The following ASTN2 variants were observed in gnomAD, a reference collection of about 807,000 sequenced individuals.
ASTN2 encodes the protein astrotactin 2, also known as astrotactin-2.
A neutral mutation model predicts 139.8 loss-of-function variants in ASTN2; 54 were observed. The observed-to-expected ratio is 0.39, with a 90% CI of 0.31 to 0.48. The LOEUF (loss-of-function observed/expected upper bound fraction) is 0.48, where lower values mean the gene tolerates loss of function less well. Ranked by LOEUF, ASTN2 falls within the 20% of genes least tolerant of loss-of-function variation. The pLI is 0.95. For missense variants in ASTN2, 1,565 were observed against 1,725.1 expected (o/e 0.91, Z 1.64); for synonymous variants, 756 against 719.5 (o/e 1.05, Z -0.81).
intron 5 of ASTN2, among the ~76,000 whole-genome samples, chr9:117,093,665 G>A (rs1415590578): frequency 6.6e-6 from 1 of 152,148 alleles, no homozygotes; most frequent in African/African-American, 2.4e-5. Flanking sequence ...CTTTCATGAA[G>A]AATTGCGGGA....
chr9:116,805,109 AGTGTGTGT>A (rs10681699), intron 13 of ASTN2, among the ~76,000 whole-genome samples: 2 of 143,128 alleles, frequency 1.4e-5, no homozygotes, highest in South Asian at 4.6e-4. Flanking sequence ...GGATTTGGGG[AGTGTGTGT>A]GTGTGTGTGT....
At chr9:117,341,226 C>G (rs188408532) in intron 1 of ASTN2, among the ~76,000 whole-genome samples, 215 of 152,094 alleles carry the variant, frequency 1.4e-3, no homozygotes, top group Non-Finnish European at 6.0e-4. Flanking sequence ...GAAATGGACC[C>G]CAGAGAAAGT....
At chr9:116,838,111 G>GT (rs1249646800) in intron 11 of ASTN2, among the ~76,000 whole-genome samples, 14 of 142,108 alleles carry the variant, frequency 9.9e-5, no homozygotes, top group Non-Finnish European at 1.7e-4. Context: ...GTTTTTTTTT[G>GT]TTTTGTTTTG....
intron 1 of ASTN2, among the ~76,000 whole-genome samples, chr9:117,364,123 C>A (rs1373185059): frequency 2.6e-5 from 4 of 152,174 alleles, no homozygotes; most frequent in Non-Finnish European, 5.9e-5. Flanking sequence ...TGGCATGACC[C>A]ACATATATTC....
intron 3 of ASTN2, among the ~76,000 whole-genome samples, chr9:117,158,578 G>T (rs1830479633): frequency 6.6e-6 from 1 of 151,910 alleles, no homozygotes; most frequent in Non-Finnish European, 1.5e-5. Flanking sequence ...AAATGTCATG[G>T]CATGAATAAA....
At chr9:117,268,458 G>A (rs1286332681) in intron 2 of ASTN2, among the ~76,000 whole-genome samples, 1 of 152,132 alleles carries the variant, frequency 6.6e-6, no homozygotes, top group Non-Finnish European at 1.5e-5. Context: ...TCCTCCAGGA[G>A]GCTTTCCTTA....
intron 16 of ASTN2, chr9:116,697,902 A>C: frequency 4.3e-6 from 7 of 1,614,214 alleles, no homozygotes; most frequent in Non-Finnish European, 5.9e-6. Flanking sequence ...GCTATTGGCC[A>C]GTAGCATCAA....
At position 117,059,659 on chromosome 9, in the gene ASTN2, A is replaced by G. The variant is rs537017538; in HGVS notation, c.1277-19694T>C. Among the ~76,000 whole-genome samples, 39 of 152,244 alleles carry G rather than the reference A, an allele frequency of 2.6e-4. 1 individual carries two copies. The South Asian group carries it at 5.2e-3, about 20-fold the overall frequency. On this transcript the variant is annotated intron_variant, in intron 5 of 22. Coordinates refer to ENST00000313400, the MANE Select transcript of ASTN2 (RefSeq NM_001365068.1). Reference sequence around the variant, plus strand: ...ACAAACAAACAAAAACCCCACCACCACCACCAACAAAAAAACACAGACTAA... The same window carrying G: ...ACAAACAAACAAAAACCCCACCACCGCCACCAACAAAAAAACACAGACTAA...
intron 1 of ASTN2, among the ~76,000 whole-genome samples, chr9:117,317,121 A>G (rs1008794656): frequency 6.6e-6 from 1 of 151,612 alleles, no homozygotes; most frequent in Non-Finnish European, 1.5e-5. Context: ...CTCTCTGTGT[A>G]TGTCTCTCTC....
At chr9:117,183,158 A>G (rs1241130561) in intron 3 of ASTN2, among the ~76,000 whole-genome samples, 1 of 152,062 alleles carries the variant, frequency 6.6e-6, no homozygotes, top group East Asian at 1.9e-4. Context: ...TTAAATTAGT[A>G]ATTGTGTGAT....
chr9:116,740,577 A>G (rs1829072530), intron 13 of ASTN2, among the ~76,000 whole-genome samples: 1 of 151,914 alleles, frequency 6.6e-6, no homozygotes, highest in Admixed American at 6.6e-5. Flanking sequence ...CAGTTGTGCG[A>G]TCTTGGCTCA....
intron 4 of ASTN2, among the ~76,000 whole-genome samples, chr9:117,124,791 C>T (rs1364735964): frequency 7.0e-6 from 1 of 143,234 alleles, no homozygotes; most frequent in African/African-American, 2.6e-5. Context: ...GGTGACATAG[C>T]GAGACCCTGC....
intron 3 of ASTN2, among the ~76,000 whole-genome samples, chr9:117,202,916 T>A (rs1276932797): frequency 6.6e-6 from 1 of 152,166 alleles, no homozygotes; most frequent in Non-Finnish European, 1.5e-5. Context: ...TGAATATATA[T>A]CCTGAGGTGT....
At chr9:117,289,779 G>A (rs1323307951) in intron 2 of ASTN2, among the ~76,000 whole-genome samples, 1 of 152,138 alleles carries the variant, frequency 6.6e-6, no homozygotes, top group Admixed American at 6.5e-5. Flanking sequence ...GTGTGAGGCT[G>A]CATCATTTGC....
At chr9:117,237,457 A>G (rs1833078969) in intron 2 of ASTN2, among the ~76,000 whole-genome samples, 1 of 152,056 alleles carries the variant, frequency 6.6e-6, no homozygotes, top group Admixed American at 6.6e-5. Flanking sequence ...TTTGTGTATT[A>G]TTCAAGAACC....
At position 116,424,593 on chromosome 9, in the gene ASTN2, CT is replaced by C. The variant is rs11451556; in HGVS notation, c.*1257del. 3.0e-4 allele frequency among the ~76,000 whole-genome samples: 43 copies of C among 142,524 alleles called. No homozygotes were observed. The highest frequency in any genetic ancestry group is 1.4e-3 in the East Asian group (7 of 4,852). The allele number at this position is 142,524 out of a possible 152,430, so 93.5% of individuals were successfully genotyped here. A position where few individuals can be genotyped will look rare whatever the true frequency, so the allele number is the denominator to read the frequency against. On this transcript the variant is annotated 3_prime_UTR_variant, in exon 23 of 23. Coordinates refer to ENST00000313400, the MANE Select transcript of ASTN2 (RefSeq NM_001365068.1). ...CTCTTCTTCCTGGAGCAAATTCCAT[CT>C]TTTTTTTTTTTTTTAAGTTGTCACC... is the stretch of plus-strand genomic sequence containing the variant.
At chr9:116,662,895 G>A (rs1419155514) in intron 16 of ASTN2, among the ~76,000 whole-genome samples, 3 of 152,096 alleles carry the variant, frequency 2.0e-5, no homozygotes, top group Non-Finnish European at 4.4e-5. Context: ...CAGAGTTTCC[G>A]AGAAGTGACA....
rs146419951 is a variant in ASTN2, at chr9:117,353,310, G to A, written c.442+61187C>T. Among the ~76,000 whole-genome samples, 542 of 152,190 alleles carry A rather than the reference G, an allele frequency of 3.6e-3. 2 individuals are homozygous for A. The highest frequency in any genetic ancestry group is 7.1e-3 in the Admixed American group (108 of 15,284). On this transcript the variant is annotated intron_variant, in intron 1 of 22. Coordinates refer to ENST00000313400, the MANE Select transcript of ASTN2 (RefSeq NM_001365068.1). ...AAAAGATTCTCTAAGATTTAGTGCG[G>A]TGCTGTCCAATAGAACTTTCTGCAA...
At chr9:116,534,945 A>G (rs1219706712) in intron 19 of ASTN2, among the ~76,000 whole-genome samples, 2 of 152,114 alleles carry the variant, frequency 1.3e-5, no homozygotes, top group Non-Finnish European at 2.9e-5. Context: ...TGATCTGTCT[A>G]ATGTTGACAG....
Sources: allele counts gnomAD v4.1 joint callset (sites outside exome capture counted in the v4.1 genomes callset), GRCh38; gene constraint gnomAD v4.1.1; transcripts MANE v1.5; gene names NCBI Gene and HGNC (gene_info 2026-07-23, HGNC 2026-07-21).